EPHB1: variants seen among roughly 807,000 people sequenced by gnomAD.
The protein encoded by EPHB1 is EPH receptor B1.
EPHB1 carries 30 observed loss-of-function variants against 94.4 expected under a neutral mutation model. The ratio of observed to expected loss-of-function variants is 0.32; its 90% CI spans 0.24 to 0.43. EPHB1 has a LOEUF of 0.43. Among genes scored for constraint, EPHB1 ranks in the 20% least tolerant of loss-of-function variants. The probability of loss-of-function intolerance (pLI) is 1.00; values close to 1 mark genes in which losing one functional copy is unlikely to be tolerated. For synonymous variants in EPHB1, 522 were observed against 489.1 expected (o/e 1.07, Z -0.89); for missense variants, 1,055 against 1,308.3 (o/e 0.81, Z 2.99).
intron 9 of EPHB1, among the ~76,000 whole-genome samples, chr3:135,173,311 G>A (rs560588864): frequency 1.5e-4 from 23 of 152,282 alleles, no homozygotes; most frequent in African/African-American, 4.8e-4. Context: ...TGGGATTACA[G>A]GCGTGAGCCA....
intron 3 of EPHB1, among the ~76,000 whole-genome samples, chr3:135,006,483 C>T (rs1935420338): frequency 1.3e-5 from 2 of 152,152 alleles, no homozygotes; most frequent in African/African-American, 2.4e-5. Context: ...TATTTAGTTA[C>T]AGTATTTTGC....
In EPHB1 at chr3:134,981,678, C is replaced by T. The variant is rs189665057; in HGVS notation, c.805+29626C>T. On this transcript the variant is annotated intron_variant, in intron 3 of 15. Coordinates refer to ENST00000398015, the MANE Select transcript of EPHB1 (RefSeq NM_004441.5). ...ATCCATGCCTGCGTGCATCTGTGCA[C>T]CCACCCACCCACTTATCAAATGTTT... 1.3e-4 allele frequency among the ~76,000 whole-genome samples: 20 copies of T among 152,284 alleles called. No homozygotes were observed. The East Asian group carries it at 3.7e-3, about 28-fold the overall frequency.
At chr3:134,940,685 T>C (rs1405885210) in intron 2 of EPHB1, among the ~76,000 whole-genome samples, 1 of 152,240 alleles carries the variant, frequency 6.6e-6, no homozygotes, top group Non-Finnish European at 1.5e-5. Flanking sequence ...TCTTCCCTGA[T>C]TACCCCACTG....
At chr3:134,958,413 A>AGTATGT (rs1933365312) in intron 3 of EPHB1, among the ~76,000 whole-genome samples, 1 of 97,668 alleles carries the variant, frequency 1.0e-5, no homozygotes, top group African/African-American at 3.4e-5. Flanking sequence ...AACACAAGGG[A>AGTATGT]GTGTGTGTGT....
At chr3:134,967,624 C>T (rs1337635055) in intron 3 of EPHB1, among the ~76,000 whole-genome samples, 1 of 152,146 alleles carries the variant, frequency 6.6e-6, no homozygotes, top group East Asian at 1.9e-4. Flanking sequence ...TCTGCAGAGT[C>T]CCCACCAGCA....
intron 12 of EPHB1, among the ~76,000 whole-genome samples, chr3:135,204,529 G>C (rs1031861174): frequency 9.9e-5 from 15 of 151,534 alleles, no homozygotes; most frequent in African/African-American, 3.6e-4. Flanking sequence ...TTTTGAGACA[G>C]AGTCTTTGTC....
chr3:134,805,710 C>A (rs2036030564), intron 1 of EPHB1, among the ~76,000 whole-genome samples: 1 of 152,182 alleles, frequency 6.6e-6, no homozygotes, highest in Admixed American at 6.5e-5. Flanking sequence ...TCTGGGTCTG[C>A]ACCTGCTTGC....
At chr3:134,797,156 GCCCTCAGTCTCCTGCTT>G (rs1274754050) in intron 1 of EPHB1, among the ~76,000 whole-genome samples, 1 of 152,154 alleles carries the variant, frequency 6.6e-6, no homozygotes, top group Non-Finnish European at 1.5e-5. Flanking sequence ...CTTTTTGTCT[GCCCTCAGTCTCCTGCTT>G]CCCTCAGGGA....
At chr3:135,132,312 T>C (rs1940448896) in intron 4 of EPHB1, among the ~76,000 whole-genome samples, 1 of 136,746 alleles carries the variant, frequency 7.3e-6, no homozygotes, top group South Asian at 2.2e-4. Flanking sequence ...CTCATATCCT[T>C]CTACCCTTGA....
At chr3:135,230,567 A>C (rs891762805) in intron 12 of EPHB1, among the ~76,000 whole-genome samples, 2 of 152,202 alleles carry the variant, frequency 1.3e-5, no homozygotes, top group African/African-American at 4.8e-5. Context: ...AGCAAGATCT[A>C]AATTAGGGTA....
chr3:135,088,795 A>G (rs1337340398), intron 3 of EPHB1, among the ~76,000 whole-genome samples: 1 of 152,246 alleles, frequency 6.6e-6, no homozygotes, highest in East Asian at 1.9e-4. Flanking sequence ...ATGGTAGGGG[A>G]AAATGTTGAC....
intron 13 of EPHB1, among the ~76,000 whole-genome samples, chr3:135,244,372 A>C (rs954971624): frequency 5.3e-5 from 8 of 152,188 alleles, no homozygotes; most frequent in African/African-American, 1.9e-4. Flanking sequence ...TTGCCCCCAG[A>C]GCTTTACTTT....
chr3:134,972,541 T>C (rs1934018930), intron 3 of EPHB1, among the ~76,000 whole-genome samples: 1 of 127,108 alleles, frequency 7.9e-6, no homozygotes, highest in African/African-American at 3.1e-5. Flanking sequence ...AAATATATAT[T>C]ATTATATATT....
chr3:134,873,226 G>C (rs1286334104), intron 1 of EPHB1, among the ~76,000 whole-genome samples: 1 of 152,216 alleles, frequency 6.6e-6, no homozygotes, highest in Non-Finnish European at 1.5e-5. Flanking sequence ...GCTTCAGAGT[G>C]AGTAGGGGCA....
intron 3 of EPHB1, among the ~76,000 whole-genome samples, chr3:134,999,469 C>G (rs995297344): frequency 1.3e-5 from 2 of 152,148 alleles, no homozygotes; most frequent in African/African-American, 4.8e-5. Context: ...CTGCTTCTTA[C>G]CAGAACTGGT....
intron 3 of EPHB1, among the ~76,000 whole-genome samples, chr3:134,976,100 T>G (rs1321445021): frequency 6.6e-6 from 1 of 152,138 alleles, no homozygotes. Context: ...TCTGTACGGG[T>G]TAGTTAGTTG....
chr3:135,032,864 G>T (rs1314362230), intron 3 of EPHB1, among the ~76,000 whole-genome samples: 1 of 152,198 alleles, frequency 6.6e-6, no homozygotes, highest in Non-Finnish European at 1.5e-5. Flanking sequence ...CCAGAGACAT[G>T]AAAATTGTGG....
chr3:135,249,302 A>G (rs765898110), intron 14 of EPHB1, 34 bp from the exon 15 acceptor site: 7 of 1,590,164 alleles, frequency 4.4e-6, no homozygotes, highest in South Asian at 1.2e-5. Flanking sequence ...CATCTCTGCA[A>G]TGTGTGGTCA....
chr3:135,165,821 TG>T (rs1941637893), intron 7 of EPHB1, 146 bp from the exon 8 acceptor site: 1 of 517,284 alleles, frequency 1.9e-6, no homozygotes, highest in Non-Finnish European at 3.4e-6. Context: ...AATTGCTGTT[TG>T]TTTTGGTTAG....
Sources: allele counts gnomAD v4.1 joint callset (sites outside exome capture counted in the v4.1 genomes callset), GRCh38; gene constraint gnomAD v4.1.1; transcripts MANE v1.5; gene names NCBI Gene and HGNC (gene_info 2026-07-23, HGNC 2026-07-21).